RBMS1: variants seen among roughly 807,000 people sequenced by gnomAD.
RBMS1 encodes RNA-binding motif, single-stranded-interacting protein 1.
In RBMS1, 17 loss-of-function variants were observed where a neutral mutation model predicts 62.3. The ratio of observed to expected loss-of-function variants is 0.27; its 90% CI spans 0.19 to 0.41. RBMS1 has a LOEUF of 0.41. RBMS1 is among the 10% of genes least tolerant of loss of function. The pLI, the probability that RBMS1 is intolerant of heterozygous loss-of-function variation, is 1.00. For missense variants in RBMS1, 334 were observed against 504.5 expected (o/e 0.66, Z 3.24); for synonymous variants, 172 against 170.0 (o/e 1.01, Z -0.09).
chr2:160,493,540 TCTTCCTCCTCC>T lies in RBMS1; in HGVS notation c.-188_-178del. The T allele has an allele frequency of 3.3e-6, 2 of 600,748 alleles. No individual in the cohort carries two copies. The highest frequency in any genetic ancestry group is 2.9e-6 in the Non-Finnish European group (1 of 340,162). 37.2% of individuals were successfully genotyped at this position (600,748 alleles called of 1,614,324 possible). On this transcript the variant is annotated 5_prime_UTR_variant, in exon 1 of 14. Coordinates refer to ENST00000348849, the MANE Select transcript of RBMS1 (RefSeq NM_016836.4). Reference sequence around the variant, plus strand: ...CCAGACGTCCTCCTCCTCCTCCTCCTCTTCCTCCTCCTCCTCCTCCTCCTCCTCCTCTTCCT... The same window carrying T: ...CCAGACGTCCTCCTCCTCCTCCTCCTTCCTCCTCCTCCTCCTCCTCTTCCT...
chr2:160,449,273 C>A (rs1227645392), intron 1 of RBMS1, among the ~76,000 whole-genome samples: 1 of 152,092 alleles, frequency 6.6e-6, no homozygotes, highest in Non-Finnish European at 1.5e-5. Flanking sequence ...CCCAGCCGCC[C>A]CGTCTGGGAA....
intron 1 of RBMS1, among the ~76,000 whole-genome samples, chr2:160,439,781 A>G (rs1683320079): frequency 6.6e-6 from 1 of 152,218 alleles, no homozygotes; most frequent in Admixed American, 6.5e-5. Flanking sequence ...CACTGAGTGA[A>G]CGAGACTCCG....
intron 6 of RBMS1, among the ~76,000 whole-genome samples, chr2:160,291,283 T>C (rs1452305871): frequency 6.6e-6 from 1 of 152,178 alleles, no homozygotes; most frequent in Non-Finnish European, 1.5e-5. Flanking sequence ...TGCTGTATTT[T>C]ATCCTAATCA....
At chr2:160,407,617 C>A (rs1695819705) in intron 1 of RBMS1, 1 of 982,030 alleles carries the variant, frequency 1.0e-6, no homozygotes, top group Non-Finnish European at 1.2e-6. Flanking sequence ...AGGAGGTGGC[C>A]GGCCGGGCCC....
At chr2:160,440,284 T>C (rs568906377) in intron 1 of RBMS1, among the ~76,000 whole-genome samples, 6 of 152,084 alleles carry the variant, frequency 3.9e-5, no homozygotes, top group African/African-American at 1.2e-4. Context: ...GAACTTCATC[T>C]CCTATCTGAG....
At chr2:160,432,357 T>C (rs1295282696) in intron 1 of RBMS1, 1 of 152,098 alleles carries the variant, frequency 6.6e-6, no homozygotes, top group African/African-American at 2.4e-5. Context: ...ACAGGGAAGA[T>C]TTATACATAC....
intron 1 of RBMS1, among the ~76,000 whole-genome samples, chr2:160,468,292 A>G (rs1452968351): frequency 1.3e-5 from 2 of 152,200 alleles, no homozygotes; most frequent in Admixed American, 1.3e-4. Flanking sequence ...AAAGAAATTG[A>G]AGGCACGACC....
chr2:160,323,891 T>C (rs528695829), intron 2 of RBMS1, among the ~76,000 whole-genome samples: 1 of 152,344 alleles, frequency 6.6e-6, no homozygotes, highest in South Asian at 2.1e-4. Context: ...ACCTTTTACT[T>C]AGAATTTACT....
At chr2:160,312,437 A>ATC (rs1689977653) in intron 4 of RBMS1, among the ~76,000 whole-genome samples, 1 of 152,228 alleles carries the variant, frequency 6.6e-6, no homozygotes, top group Non-Finnish European at 1.5e-5. Context: ...TAAAATATAT[A>ATC]TTAAGCATGA....
At chr2:160,332,945 C>T (rs1379661496) in intron 2 of RBMS1, among the ~76,000 whole-genome samples, 1 of 151,316 alleles carries the variant, frequency 6.6e-6, no homozygotes, top group Non-Finnish European at 1.5e-5. Flanking sequence ...TTTATACAGA[C>T]ATACACATAC....
intron 2 of RBMS1, among the ~76,000 whole-genome samples, chr2:160,323,694 C>T (rs192155430): frequency 2.3e-4 from 35 of 151,698 alleles, no homozygotes; most frequent in African/African-American, 8.5e-4. Flanking sequence ...AGACCACAGC[C>T]CCAGCTACCC....
intron 2 of RBMS1, among the ~76,000 whole-genome samples, chr2:160,362,037 A>G (rs756562440): frequency 3.5e-4 from 53 of 152,210 alleles, no homozygotes; most frequent in Admixed American, 3.4e-3. Flanking sequence ...TCTTCCTTTC[A>G]TGAAAGATTT....
rs1687669453 is a variant in RBMS1 at position 160,273,409 on chromosome 2, G to A, written c.*1363C>T. 6.6e-6 allele frequency: 1 copy of A among 152,188 alleles called. No homozygotes were observed. The highest frequency in any genetic ancestry group is 2.4e-5 in the African/African-American group (1 of 41,436). 9.4% of individuals were successfully genotyped at this position (152,188 alleles called of 1,614,324 possible). A position where few individuals can be genotyped will look rare whatever the true frequency, so the allele number is the denominator to read the frequency against. On this transcript the variant is annotated 3_prime_UTR_variant, in exon 14 of 14. Coordinates refer to ENST00000348849, the MANE Select transcript of RBMS1 (RefSeq NM_016836.4). ...TAAAGAGCACAGAAGATGTGATGCT[G>A]AGACAAGTTGGAGCTACTGGTTACT...
At chr2:160,426,990 A>G (rs1682660974) in intron 1 of RBMS1, among the ~76,000 whole-genome samples, 1 of 152,186 alleles carries the variant, frequency 6.6e-6, no homozygotes, top group Non-Finnish European at 1.5e-5. Context: ...GATTCCTACA[A>G]ATTGAGATGG....
At chr2:160,321,054 T>C (rs1422032566) in intron 2 of RBMS1, among the ~76,000 whole-genome samples, 2 of 152,050 alleles carry the variant, frequency 1.3e-5, no homozygotes, top group African/African-American at 2.4e-5. Context: ...AAGGCTCATT[T>C]AGGAGAAGGA....
At chr2:160,414,800 T>C (rs892653279) in intron 1 of RBMS1, among the ~76,000 whole-genome samples, 4 of 151,302 alleles carry the variant, frequency 2.6e-5, no homozygotes, top group East Asian at 1.9e-4. Flanking sequence ...TGAGCCGAGA[T>C]TGCACCACTG....
intron 1 of RBMS1, among the ~76,000 whole-genome samples, chr2:160,481,591 A>G (rs1685373779): frequency 6.6e-6 from 1 of 152,184 alleles, no homozygotes. Flanking sequence ...AAACCTACAA[A>G]CCAATAAAAA....
intron 1 of RBMS1, among the ~76,000 whole-genome samples, chr2:160,409,847 T>G (rs1695953285): frequency 6.6e-6 from 1 of 152,152 alleles, no homozygotes. Flanking sequence ...ATAAGAAAAG[T>G]TTTTAAGTGA....
intron 2 of RBMS1, 59 bp downstream of exon 2, chr2:160,367,152 TCACTC>T: frequency 6.6e-7 from 1 of 1,503,934 alleles, no homozygotes; most frequent in Non-Finnish European, 9.2e-7. Flanking sequence ...GCAGTATATA[TCACTC>T]TATAATATGA....
Sources: allele counts gnomAD v4.1 joint callset (sites outside exome capture counted in the v4.1 genomes callset), GRCh38; gene constraint gnomAD v4.1.1; transcripts MANE v1.5; gene names NCBI Gene and HGNC (gene_info 2026-07-23, HGNC 2026-07-21).